The following SLC6A17 variants were observed in gnomAD, a reference collection of about 807,000 sequenced individuals.
SLC6A17 encodes the protein solute carrier family 6 member 17, also known as sodium-dependent neutral amino acid transporter SLC6A17.
SLC6A17 carries 21 observed loss-of-function variants against 64.5 expected under a neutral mutation model. That is an observed-to-expected ratio of 0.33 (90% CI 0.23 to 0.47). The LOEUF (loss-of-function observed/expected upper bound fraction) is 0.47, where lower values mean the gene tolerates loss of function less well. Among genes scored for constraint, SLC6A17 ranks in the 20% least tolerant of loss-of-function variants. The pLI is 1.00. For missense variants in SLC6A17, 682 were observed against 963.2 expected, an observed-to-expected ratio of 0.71 and a Z score of 3.86; for synonymous variants, 372 against 399.5, an observed-to-expected ratio of 0.93 and a Z score of 0.82.
At chr1:110,164,715 C>T (rs1655999622) in intron 1 of SLC6A17, among the ~76,000 whole-genome samples, 1 of 152,236 alleles carries the variant, frequency 6.6e-6, no homozygotes, top group Non-Finnish European at 1.5e-5. Context: ...TAGGTATCCT[C>T]CTTCTGCTTT....
At chr1:110,188,323 TCCGC>T (rs1656739071) in intron 6 of SLC6A17, among the ~76,000 whole-genome samples, 1 of 152,188 alleles carries the variant, frequency 6.6e-6, no homozygotes, top group Admixed American at 6.5e-5. Flanking sequence ...AAACCAGACA[TCCGC>T]CTATGCAAGG....
chr1:110,151,495 C>G (rs1306839418), intron 1 of SLC6A17, among the ~76,000 whole-genome samples: 4 of 152,244 alleles, frequency 2.6e-5, no homozygotes, highest in Non-Finnish European at 5.9e-5. Context: ...ATGGCTGAGA[C>G]AGGGGACGTG....
intron 3 of SLC6A17, 58 bp from the exon 4 acceptor site, chr1:110,173,915 T>TG: frequency 1.9e-6 from 3 of 1,540,108 alleles, no homozygotes; most frequent in Admixed American, 3.8e-5. Flanking sequence ...GGGTGGAGCG[T>TG]GGGGGCAGGG....
chr1:110,174,993 TG>T, intron 5 of SLC6A17, 33 bp downstream of exon 5: 1 of 1,599,092 alleles, frequency 6.3e-7, no homozygotes, highest in South Asian at 1.1e-5. Flanking sequence ...AGGACCCAAA[TG>T]GGGAACAGCA....
intron 2 of SLC6A17, among the ~76,000 whole-genome samples, chr1:110,169,873 C>G (rs1407941535): frequency 3.3e-5 from 5 of 152,228 alleles, no homozygotes; most frequent in African/African-American, 1.2e-4. Context: ...TTATTAACCA[C>G]AAATTCTGCC....
intron 6 of SLC6A17, among the ~76,000 whole-genome samples, chr1:110,186,309 C>G (rs188968082): frequency 6.6e-6 from 1 of 152,058 alleles, no homozygotes; most frequent in African/African-American, 2.4e-5. Context: ...GGAATTTATT[C>G]ACATCTTTAT....
Position 110,198,322 on chromosome 1 carries a change from A to AT in SLC6A17, c.2063dup (p.Met688IlefsTer21). The AT allele has an allele frequency of 6.2e-7, 1 of 1,614,004 alleles. No homozygotes were observed. The highest frequency in any genetic ancestry group is 8.5e-7 in the Non-Finnish European group (1 of 1,179,964). ...GGTGCCCAGTGAGGCACCTTCCCCCATGCCCACTCACCGTTCCTATCTGGG... is the reference window on the plus strand; with the variant it reads ...GGTGCCCAGTGAGGCACCTTCCCCCATTGCCCACTCACCGTTCCTATCTGGG... On this transcript the variant is annotated frameshift_variant, in exon 12 of 12. Coordinates refer to ENST00000331565, the MANE Select transcript of SLC6A17 (RefSeq NM_001010898.4). LOFTEE classifies it high-confidence loss of function.
intron 1 of SLC6A17, among the ~76,000 whole-genome samples, chr1:110,156,015 C>G (rs1557828149): frequency 1.3e-5 from 2 of 152,166 alleles, no homozygotes; most frequent in African/African-American, 2.4e-5. Flanking sequence ...GTCTCCCTTC[C>G]TTTGCCCAGG....
chr1:110,199,740 A>G lies in SLC6A17; in HGVS notation c.*1296A>G, dbSNP rs1037800932. On this transcript the variant is annotated 3_prime_UTR_variant, in exon 12 of 12. Coordinates refer to ENST00000331565, the MANE Select transcript of SLC6A17 (RefSeq NM_001010898.4). ...CAGAAGGCTGCAGCTGACAACAGCG[A>G]CCCCACCTGCCATTACCTTCAGGGC... 5.2e-6 allele frequency: 2 copies of G among 381,074 alleles called. No homozygotes were observed. The highest frequency in any genetic ancestry group is 2.9e-4 in the South Asian group (2 of 6,860). The allele number at this position is 381,074 out of a possible 1,614,324, so 23.6% of individuals were successfully genotyped here.
intron 9 of SLC6A17, 48 bp downstream of exon 9, chr1:110,194,819 G>A (rs1443169632): frequency 6.2e-7 from 1 of 1,601,960 alleles, no homozygotes; most frequent in Admixed American, 1.7e-5. Flanking sequence ...CTGCCCTTGT[G>A]GACAACAATT....
At chr1:110,162,300 C>T (rs747580917) in intron 1 of SLC6A17, among the ~76,000 whole-genome samples, 2 of 152,260 alleles carry the variant, frequency 1.3e-5, no homozygotes, top group Non-Finnish European at 2.9e-5. Context: ...ACTTACCTTT[C>T]GCATCCATTG....
At chr1:110,176,343 TG>T (rs1656372682) in intron 5 of SLC6A17, among the ~76,000 whole-genome samples, 2 of 152,032 alleles carry the variant, frequency 1.3e-5, no homozygotes, top group South Asian at 4.1e-4. Flanking sequence ...CTTACCCCCT[TG>T]GCAGCCCTCT....
intron 1 of SLC6A17, among the ~76,000 whole-genome samples, chr1:110,165,715 C>T (rs1046773591): frequency 1.3e-5 from 2 of 152,236 alleles, no homozygotes; most frequent in African/African-American, 4.8e-5. Context: ...GCACAGCAGC[C>T]TTGCCTGTGC....
At chr1:110,191,457 C>T (rs1423241200) in intron 6 of SLC6A17, among the ~76,000 whole-genome samples, 3 of 152,128 alleles carry the variant, frequency 2.0e-5, no homozygotes, top group Non-Finnish European at 2.9e-5. Context: ...TGGGGAAAAG[C>T]AGGCGGTTTG....
chr1:110,173,743 CT>C (rs1486523122), intron 3 of SLC6A17, among the ~76,000 whole-genome samples: 1 of 152,234 alleles, frequency 6.6e-6, no homozygotes, highest in Admixed American at 6.5e-5. Context: ...AAAGAGAGAA[CT>C]TTAACATCTG....
chr1:110,196,360 CA>C (rs1164028025), intron 10 of SLC6A17, among the ~76,000 whole-genome samples: 2 of 152,164 alleles, frequency 1.3e-5, no homozygotes, highest in Non-Finnish European at 2.9e-5. Flanking sequence ...TTGTCCTTGG[CA>C]AGACCCACCT....
intron 9 of SLC6A17, 99 bp downstream of exon 9, chr1:110,194,870 C>T (rs760586663): frequency 9.8e-6 from 14 of 1,428,618 alleles, no homozygotes; most frequent in South Asian, 1.2e-5. Flanking sequence ...ACCCCACACC[C>T]AGAAGGCTCC....
chr1:110,153,924 C>G (rs970699340), intron 1 of SLC6A17, among the ~76,000 whole-genome samples: 5 of 152,212 alleles, frequency 3.3e-5, no homozygotes, highest in Admixed American at 2.0e-4. Context: ...CTGTGTTTCC[C>G]TCCCCTGAAT....
intron 1 of SLC6A17, among the ~76,000 whole-genome samples, chr1:110,165,357 G>A (rs1169887032): frequency 6.6e-6 from 1 of 152,140 alleles, no homozygotes; most frequent in African/African-American, 2.4e-5. Context: ...TGACCCACTG[G>A]GAAGTGAGTC....
Sources: allele counts gnomAD v4.1 joint callset (sites outside exome capture counted in the v4.1 genomes callset), GRCh38; gene constraint gnomAD v4.1.1; transcripts MANE v1.5; gene names NCBI Gene and HGNC (gene_info 2026-07-23, HGNC 2026-07-21).